Variants in RIMS2 observed in about 807,000 individuals in gnomAD.
The protein encoded by RIMS2 is regulating synaptic membrane exocytosis 2.
Under a neutral mutation model 174.4 loss-of-function variants are expected in RIMS2, and 59 were observed. That is an observed-to-expected ratio of 0.34 (90% CI 0.27 to 0.42). The LOEUF is 0.42. Ranked by LOEUF, RIMS2 falls within the 10% of genes least tolerant of loss-of-function variation. The pLI is 1.00. For synonymous variants in RIMS2, 606 were observed against 572.5 expected (o/e 1.06, Z -0.84); for missense variants, 1,620 against 1,666.3 (o/e 0.97, Z 0.48).
intron 1 of RIMS2, among the ~76,000 whole-genome samples, chr8:103,651,371 G>T (rs929450323): frequency 1.2e-4 from 19 of 152,206 alleles, no homozygotes; most frequent in Non-Finnish European, 2.8e-4. Flanking sequence ...GAGTGCTGTG[G>T]AATGCAGCTG....
intron 19 of RIMS2, among the ~76,000 whole-genome samples, chr8:104,186,755 T>C (rs2098970059): frequency 6.6e-6 from 1 of 151,804 alleles, no homozygotes; most frequent in Admixed American, 6.6e-5. Flanking sequence ...TCTCCTTACA[T>C]AGGCAGATTT....
chr8:104,166,055 A>ATTTT (rs2098794775), intron 19 of RIMS2, among the ~76,000 whole-genome samples: 1 of 119,236 alleles, frequency 8.4e-6, no homozygotes, highest in African/African-American at 3.1e-5. Flanking sequence ...GGTATTTTGG[A>ATTTT]TTTCTTTTTT....
chr8:103,553,600 AAAT>A (rs1314209978), intron 1 of RIMS2, among the ~76,000 whole-genome samples: 7 of 152,082 alleles, frequency 4.6e-5, no homozygotes, highest in Non-Finnish European at 2.9e-5. Flanking sequence ...GTATAATAAA[AAAT>A]AATAATAAAA....
chr8:104,192,020 T>C (rs1021970941), intron 19 of RIMS2, among the ~76,000 whole-genome samples: 1 of 152,140 alleles, frequency 6.6e-6, no homozygotes, highest in Non-Finnish European at 1.5e-5. Context: ...TAATGAAAAT[T>C]TTCACTATAC....
intron 3 of RIMS2, chr8:103,768,643 C>T (rs1430545607): frequency 1.1e-6 from 1 of 884,868 alleles, no homozygotes; most frequent in African/African-American, 1.6e-5. Flanking sequence ...TAAAAATATT[C>T]CAGGATTGAC....
chr8:103,882,562 G>A (rs572936458), intron 3 of RIMS2, among the ~76,000 whole-genome samples: 4 of 151,466 alleles, frequency 2.6e-5, no homozygotes, highest in East Asian at 3.9e-4. Flanking sequence ...CCCAATTTCC[G>A]ATTATAACCA....
intron 17 of RIMS2, among the ~76,000 whole-genome samples, chr8:103,996,967 G>A (rs1465816982): frequency 6.6e-6 from 1 of 151,798 alleles, no homozygotes; most frequent in Non-Finnish European, 1.5e-5. Context: ...AAAAATAGAG[G>A]TTTGAAAATC....
chr8:103,719,668 A>T (rs945164776), intron 2 of RIMS2, among the ~76,000 whole-genome samples: 6 of 152,212 alleles, frequency 3.9e-5, no homozygotes, highest in African/African-American at 1.4e-4. Flanking sequence ...GAGAAATGAA[A>T]TTTTTTAAAC....
At chr8:104,235,588 G>C (rs2099253860) in intron 19 of RIMS2, among the ~76,000 whole-genome samples, 1 of 149,708 alleles carries the variant, frequency 6.7e-6, no homozygotes, top group Admixed American at 6.6e-5. Context: ...ATAATACAAT[G>C]AACATCCACT....
intron 19 of RIMS2, among the ~76,000 whole-genome samples, chr8:104,087,934 G>A (rs1341176638): frequency 2.0e-5 from 3 of 151,920 alleles, no homozygotes; most frequent in Non-Finnish European, 4.4e-5. Context: ...TCAAGCTGGG[G>A]TTTCATTTGC....
At chr8:103,581,219 G>T (rs1477483953) in intron 1 of RIMS2, among the ~76,000 whole-genome samples, 3 of 152,094 alleles carry the variant, frequency 2.0e-5, no homozygotes, top group African/African-American at 4.8e-5. Context: ...GAGCATAAAT[G>T]TAAAATGCTC....
intron 19 of RIMS2, among the ~76,000 whole-genome samples, chr8:104,204,982 T>C (rs1301228059): frequency 2.0e-5 from 3 of 152,138 alleles, no homozygotes; most frequent in African/African-American, 7.2e-5. Context: ...GAAGTCTTAA[T>C]TGAAGGAGGG....
chr8:103,997,452 G>C (rs908883322), intron 17 of RIMS2, among the ~76,000 whole-genome samples: 1 of 151,786 alleles, frequency 6.6e-6, no homozygotes, highest in East Asian at 1.9e-4. Context: ...ATGATAATCT[G>C]CTAAGATTAA....
chr8:103,914,919 T>C (rs1344044969), intron 6 of RIMS2, among the ~76,000 whole-genome samples: 1 of 152,114 alleles, frequency 6.6e-6, no homozygotes, highest in Admixed American at 6.6e-5. Flanking sequence ...TTCTAAAAGT[T>C]ATATTTTAAT....
Position 103,819,657 on chromosome 8 carries a change from T to C in RIMS2, c.698+53120T>C, listed in dbSNP as rs369721673. On this transcript the variant is annotated intron_variant, in intron 3 of 23. Coordinates refer to ENST00000504942, the Ensembl canonical transcript of RIMS2. ...GAGTAGAGCCAAACTATATTTTCTT[T>C]TAATATTGTTATTTTCAGAATAATC... 110 of 1,530,020 alleles carry C rather than the reference T, an allele frequency of 7.2e-5. 1 individual carries two copies. In the Admixed American group the frequency reaches 1.7e-3, roughly 24 times the overall value. The allele number at this position is 1,530,020 out of a possible 1,614,324, so 94.8% of individuals were successfully genotyped here.
At chr8:104,065,113 T>A (rs2097081880) in intron 19 of RIMS2, among the ~76,000 whole-genome samples, 1 of 152,026 alleles carries the variant, frequency 6.6e-6, no homozygotes, top group African/African-American at 2.4e-5. Context: ...AGAAAAAAGG[T>A]AAGTGTTCTG....
At chr8:103,893,966 A>G (rs913402720) in intron 4 of RIMS2, among the ~76,000 whole-genome samples, 1 of 152,082 alleles carries the variant, frequency 6.6e-6, no homozygotes, top group Admixed American at 6.6e-5. Context: ...AAGGATAAGG[A>G]AAGCGGACTT....
At chr8:103,582,242 G>A (rs181990279) in intron 1 of RIMS2, among the ~76,000 whole-genome samples, 1 of 152,202 alleles carries the variant, frequency 6.6e-6, no homozygotes, top group East Asian at 1.9e-4. Flanking sequence ...TTCATCACCT[G>A]CTAATTGAAG....
At chr8:104,131,708 C>G (rs2098475091) in intron 19 of RIMS2, among the ~76,000 whole-genome samples, 1 of 151,644 alleles carries the variant, frequency 6.6e-6, no homozygotes, top group South Asian at 2.1e-4. Context: ...TTGAATCTTT[C>G]AAAAAAGGAA....
Sources: gnomAD v4.1 joint callset for allele counts (sites outside exome capture counted in the v4.1 genomes callset) on GRCh38, gnomAD v4.1.1 for gene constraint, MANE v1.5 for transcripts, NCBI Gene and HGNC (gene_info 2026-07-23, HGNC 2026-07-21) for gene names.